Variants in SPOCK3 observed in about 807,000 individuals in gnomAD.
SPOCK3 encodes the protein testican-3.
In SPOCK3, 30 loss-of-function variants were observed where a neutral mutation model predicts 56.6. The observed-to-expected ratio is 0.53, with a 90% CI of 0.40 to 0.72. SPOCK3 has a LOEUF of 0.72. Among genes scored for constraint, SPOCK3 ranks in the 30% least tolerant of loss-of-function variants. The pLI, the probability that SPOCK3 is intolerant of heterozygous loss-of-function variation, is 0.00. For missense variants in SPOCK3, 527 were observed against 530.0 expected, an observed-to-expected ratio of 0.99 and a Z score of 0.06; for synonymous variants, 196 against 183.3, an observed-to-expected ratio of 1.07 and a Z score of -0.56.
chr4:166,925,793 C>A (rs1464017318), intron 4 of SPOCK3, among the ~76,000 whole-genome samples: 1 of 151,954 alleles, frequency 6.6e-6, no homozygotes, highest in Non-Finnish European at 1.5e-5. Context: ...ACAAAATATA[C>A]CTCAGAGTCA....
At chr4:167,076,457 G>A (rs1376985650) in intron 2 of SPOCK3, among the ~76,000 whole-genome samples, 1 of 150,822 alleles carries the variant, frequency 6.6e-6, no homozygotes, top group South Asian at 2.1e-4. Context: ...ACCTAAAACT[G>A]TTCTAAAAAA....
chr4:166,972,269 T>C (rs1022320049), intron 4 of SPOCK3, among the ~76,000 whole-genome samples: 2 of 152,180 alleles, frequency 1.3e-5, no homozygotes, highest in Non-Finnish European at 2.9e-5. Context: ...TAAGTGTTTC[T>C]GTACAAAACC....
intron 6 of SPOCK3, among the ~76,000 whole-genome samples, chr4:166,881,769 CTG>C (rs1329250663): frequency 6.6e-6 from 1 of 152,078 alleles, no homozygotes; most frequent in Non-Finnish European, 1.5e-5. Flanking sequence ...TTTTAAGAGA[CTG>C]TTCAGAATGT....
At chr4:166,870,793 C>A (rs113654426) in intron 6 of SPOCK3, among the ~76,000 whole-genome samples, 1 of 152,102 alleles carries the variant, frequency 6.6e-6, no homozygotes, top group Non-Finnish European at 1.5e-5. Flanking sequence ...ACTCAAATCT[C>A]ATCTTGAATT....
Position 166,951,507 on chromosome 4 carries a change from A to G in SPOCK3, c.351-38764T>C, listed in dbSNP as rs572749321. 4.3e-5 allele frequency among the ~76,000 whole-genome samples: 6 copies of G among 138,486 alleles called. 1 individual carries two copies. Among genetic ancestry groups the G allele is most frequent in the African/African-American group, 1.2e-4 (4 of 32,686 alleles). 90.9% of individuals were successfully genotyped at this position (138,486 alleles called of 152,430 possible). A position where few individuals can be genotyped will look rare whatever the true frequency, so the allele number is the denominator to read the frequency against. On this transcript the variant is annotated intron_variant, in intron 4 of 10. Transcript: ENST00000357545. ...CAGCCGAATTCTACCAGAGGTACAAAGAGGAACTGGTACCATTCCTTCTGA... is the reference window on the plus strand; with the variant it reads ...CAGCCGAATTCTACCAGAGGTACAAGGAGGAACTGGTACCATTCCTTCTGA...
intron 2 of SPOCK3, among the ~76,000 whole-genome samples, chr4:167,119,379 A>G (rs558058044): frequency 6.6e-6 from 1 of 152,146 alleles, no homozygotes; most frequent in East Asian, 1.9e-4. Flanking sequence ...CAATAAATAC[A>G]TATGAGAGCA....
chr4:167,085,174 G>GAA (rs59113311), intron 2 of SPOCK3, among the ~76,000 whole-genome samples: 8 of 97,246 alleles, frequency 8.2e-5, no homozygotes, highest in Non-Finnish European at 9.2e-5. Flanking sequence ...GTTGAATCTA[G>GAA]AAAAAAAAAA....
chr4:166,852,667 T>A (rs62353214), intron 6 of SPOCK3, among the ~76,000 whole-genome samples: 11,106 of 152,266 alleles, frequency 0.073, 539 homozygotes, highest in Non-Finnish European at 0.1. Flanking sequence ...GACCAGAGGC[T>A]ATGCTTCCCA....
chr4:167,021,933 TAAC>T (rs1324256588), intron 3 of SPOCK3, among the ~76,000 whole-genome samples: 2 of 152,030 alleles, frequency 1.3e-5, no homozygotes, highest in South Asian at 2.1e-4. Context: ...GCTTATATAA[TAAC>T]AATAATAATT....
chr4:166,954,521 T>G (rs1743145174), intron 4 of SPOCK3, among the ~76,000 whole-genome samples: 3 of 152,190 alleles, frequency 2.0e-5, no homozygotes, highest in Non-Finnish European at 4.4e-5. Flanking sequence ...ATTCTGCATG[T>G]GGATATCCAG....
intron 2 of SPOCK3, among the ~76,000 whole-genome samples, chr4:167,081,132 T>C (rs1757668474): frequency 6.6e-6 from 1 of 152,014 alleles, no homozygotes; most frequent in Admixed American, 6.6e-5. Context: ...TGAGGCAGCA[T>C]GGCATAGCAG....
intron 3 of SPOCK3, among the ~76,000 whole-genome samples, chr4:167,033,393 A>G (rs1267342214): frequency 1.5e-4 from 1 of 6,822 alleles, no homozygotes; most frequent in Non-Finnish European, 6.2e-4. Flanking sequence ...GCAATTATTC[A>G]TTATTATTAT....
At chr4:166,865,888 T>A (rs1389963963) in intron 6 of SPOCK3, among the ~76,000 whole-genome samples, 1 of 152,210 alleles carries the variant, frequency 6.6e-6, no homozygotes, top group East Asian at 1.9e-4. Flanking sequence ...GCTATCCCCA[T>A]CATGCTACCA....
intron 3 of SPOCK3, among the ~76,000 whole-genome samples, chr4:167,001,831 A>G (rs1322374288): frequency 2.0e-5 from 3 of 152,234 alleles, no homozygotes; most frequent in Non-Finnish European, 2.9e-5. Flanking sequence ...CAGGCTGACC[A>G]GCGGAAATAA....
At chr4:166,942,471 T>TAA (rs5863849) in intron 4 of SPOCK3, among the ~76,000 whole-genome samples, 8 of 121,932 alleles carry the variant, frequency 6.6e-5, no homozygotes, top group Non-Finnish European at 1.0e-4. Flanking sequence ...GGCCTCCACT[T>TAA]AAAAAAAAAA....
chr4:167,033,087 C>T (rs192133162), intron 3 of SPOCK3, among the ~76,000 whole-genome samples: 1 of 151,912 alleles, frequency 6.6e-6, no homozygotes, highest in Non-Finnish European at 1.5e-5. Context: ...ACTGGCAGGA[C>T]ATATTAGTCA....
chr4:166,947,102 A>G (rs1741858598), intron 4 of SPOCK3, among the ~76,000 whole-genome samples: 1 of 152,104 alleles, frequency 6.6e-6, no homozygotes, highest in South Asian at 2.1e-4. Flanking sequence ...AATTAGAAGT[A>G]CCCATTATTT....
intron 2 of SPOCK3, among the ~76,000 whole-genome samples, chr4:167,191,034 A>G (rs1732432397): frequency 6.9e-6 from 1 of 145,610 alleles, no homozygotes; most frequent in African/African-American, 2.6e-5. Flanking sequence ...TTTGCTTTGT[A>G]GTATATTTTG....
intron 3 of SPOCK3, among the ~76,000 whole-genome samples, chr4:167,009,909 A>G (rs894177824): frequency 1.3e-5 from 2 of 152,054 alleles, no homozygotes; most frequent in Non-Finnish European, 2.9e-5. Context: ...TATGAAAAAA[A>G]TTAAAACAGA....
Sources: gnomAD v4.1 joint callset for allele counts (sites outside exome capture counted in the v4.1 genomes callset) on GRCh38, gnomAD v4.1.1 for gene constraint, MANE v1.5 for transcripts, NCBI Gene and HGNC (gene_info 2026-07-23, HGNC 2026-07-21) for gene names.